The following GSE1 variants were observed in gnomAD, a reference collection of about 807,000 sequenced individuals.
GSE1 encodes the protein genetic suppressor element 1.
Under a neutral mutation model 112.6 loss-of-function variants are expected in GSE1, and 32 were observed. That is an observed-to-expected ratio of 0.28 (90% confidence interval 0.21 to 0.38). The LOEUF (loss-of-function observed/expected upper bound fraction) is 0.38, where lower values mean the gene tolerates loss of function less well. Among genes scored for constraint, GSE1 ranks in the 10% least tolerant of loss-of-function variants. The pLI, the probability that GSE1 is intolerant of heterozygous loss-of-function variation, is 1.00. For missense variants in GSE1, 2,348 were observed against 1,699.2 expected, an observed-to-expected ratio of 1.38 and a Z score of -6.71; for synonymous variants, 1,115 against 735.6, an observed-to-expected ratio of 1.52 and a Z score of -8.35.
upstream of GSE1, chr16:85,555,094 A>C (rs942554977): frequency 7.5e-5 from 74 of 985,320 alleles, no homozygotes; most frequent in East Asian, 6.1e-3. Flanking sequence ...TGCCGCGTAG[A>C]GACGGAAGGA....
At chr16:85,282,216 C>T (rs369001799) in intron 1 of GSE1, among the ~76,000 whole-genome samples, 1 of 151,978 alleles carries the variant, frequency 6.6e-6, no homozygotes, top group African/African-American at 2.4e-5. Context: ...TCAGTAGAGA[C>T]GGGGTTTCAC....
intron 2 of GSE1, among the ~76,000 whole-genome samples, chr16:85,462,549 C>G (rs970903313): frequency 1.8e-4 from 27 of 152,028 alleles, no homozygotes; most frequent in South Asian, 1.7e-3. Context: ...ACTTGATGCT[C>G]GGCACTTGAA....
intron 1 of GSE1, among the ~76,000 whole-genome samples, chr16:85,202,274 A>C (rs1233435499): frequency 6.6e-6 from 1 of 152,166 alleles, no homozygotes. Flanking sequence ...GCTTCCGAGG[A>C]AGGGCCTGAG....
chr16:85,364,516 C>T (rs1174442671), intron 2 of GSE1, among the ~76,000 whole-genome samples: 2 of 152,330 alleles, frequency 1.3e-5, no homozygotes, highest in Non-Finnish European at 2.9e-5. Flanking sequence ...AGGGCAGGCA[C>T]CCCCGGTGCC....
intron 1 of GSE1, among the ~76,000 whole-genome samples, chr16:85,291,115 C>G (rs1468090390): frequency 2.6e-5 from 4 of 152,240 alleles, no homozygotes; most frequent in African/African-American, 9.6e-5. Context: ...GGGAGGTTGG[C>G]ACTGTCATTA....
At chr16:85,595,009 T>A (rs2047161585) in intron 1 of GSE1, 1 of 152,798 alleles carries the variant, frequency 6.5e-6, no homozygotes, top group Non-Finnish European at 1.5e-5. Flanking sequence ...GAAGGGCAGG[T>A]TCTCTGGGGC....
At chr16:85,282,243 G>A (rs1033358833) in intron 1 of GSE1, among the ~76,000 whole-genome samples, 1 of 152,024 alleles carries the variant, frequency 6.6e-6, no homozygotes, top group East Asian at 1.9e-4. Flanking sequence ...GGCCAGGAGG[G>A]TCTGGATCTC....
At chr16:85,627,663 C>G (rs1372414008) in intron 1 of GSE1, among the ~76,000 whole-genome samples, 1 of 151,020 alleles carries the variant, frequency 6.6e-6, no homozygotes, top group African/African-American at 2.5e-5. Flanking sequence ...AGTGCGGAGA[C>G]AGCCCCCGGC....
intron 2 of GSE1, among the ~76,000 whole-genome samples, chr16:85,538,274 G>A (rs2044401433): frequency 6.6e-6 from 1 of 152,238 alleles, no homozygotes; most frequent in African/African-American, 2.4e-5. Context: ...CAGGACTGCT[G>A]AGCCCTGCAA....
chr16:85,552,583 C>T (rs796406033), upstream of GSE1, among the ~76,000 whole-genome samples: 79 of 151,978 alleles, frequency 5.2e-4, no homozygotes, highest in African/African-American at 1.8e-3. Context: ...CCGTCCGTCT[C>T]GGCCTCCCAA....
intron 2 of GSE1, among the ~76,000 whole-genome samples, chr16:85,450,678 T>C (rs1467378917): frequency 6.6e-6 from 1 of 151,010 alleles, no homozygotes; most frequent in Non-Finnish European, 1.5e-5. Flanking sequence ...CTTGAATTCC[T>C]GACCTTGTGA....
intron 2 of GSE1, among the ~76,000 whole-genome samples, chr16:85,479,218 G>C (rs1224823886): frequency 2.3e-5 from 2 of 87,838 alleles, no homozygotes; most frequent in East Asian, 7.8e-4. Context: ...TTTTTTAGTA[G>C]AGACGGGGTT....
intron 1 of GSE1, among the ~76,000 whole-genome samples, chr16:85,217,996 G>A (rs902904764): frequency 5.3e-5 from 8 of 152,098 alleles, no homozygotes; most frequent in Admixed American, 1.3e-4. Context: ...TGCCTCCTAG[G>A]TTCAAGCAAT....
intron 1 of GSE1, among the ~76,000 whole-genome samples, chr16:85,238,563 C>T (rs1904903728): frequency 2.6e-5 from 4 of 152,182 alleles, no homozygotes; most frequent in African/African-American, 7.2e-5. Context: ...GCTGCCTCTG[C>T]TCGCTCAGCT....
chr16:85,526,815 G>A (rs1225171371), intron 2 of GSE1, among the ~76,000 whole-genome samples: 1 of 152,208 alleles, frequency 6.6e-6, no homozygotes, highest in Non-Finnish European at 1.5e-5. Flanking sequence ...CTTTTAACCT[G>A]TCCCCACCGT....
intron 2 of GSE1, among the ~76,000 whole-genome samples, chr16:85,414,024 C>T (rs1379916973): frequency 6.6e-6 from 1 of 152,208 alleles, no homozygotes; most frequent in Non-Finnish European, 1.5e-5. Flanking sequence ...GCCTCCCCAG[C>T]CATGCAGAAC....
At chr16:85,320,794 C>T (rs1017586961) in intron 1 of GSE1, among the ~76,000 whole-genome samples, 1 of 152,224 alleles carries the variant, frequency 6.6e-6, no homozygotes, top group Middle Eastern at 3.2e-3. Flanking sequence ...CATGTCCTTT[C>T]TCCCCACTCT....
chr16:85,670,959 A>T (rs371685203), intron 14 of GSE1, 36 bp from the exon 15 acceptor site: 56 of 1,328,312 alleles, frequency 4.2e-5, no homozygotes, highest in Non-Finnish European at 5.7e-5. Context: ...GGGCTCCTGC[A>T]TACGGAAAAT....
At chr16:85,330,654 G>A (rs1175112537) in intron 1 of GSE1, among the ~76,000 whole-genome samples, 2 of 152,170 alleles carry the variant, frequency 1.3e-5, no homozygotes, top group Non-Finnish European at 2.9e-5. Context: ...GGCACCGGAG[G>A]GCATGATGCA....
Sources: gnomAD v4.1 joint callset for allele counts (sites outside exome capture counted in the v4.1 genomes callset) on GRCh38, gnomAD v4.1.1 for gene constraint, MANE v1.5 for transcripts, NCBI Gene and HGNC (gene_info 2026-07-23, HGNC 2026-07-21) for gene names.